The following SUV39H2 variants were observed in gnomAD, a reference collection of about 807,000 sequenced individuals.
SUV39H2 encodes the protein SUV39H2 histone lysine methyltransferase, also known as histone-lysine N-methyltransferase SUV39H2.
A neutral mutation model predicts 47.5 loss-of-function variants in SUV39H2; 10 were observed. The observed-to-expected ratio is 0.21, with a 90% CI of 0.13 to 0.36. The LOEUF is 0.36. Among genes scored for constraint, SUV39H2 ranks in the 10% least tolerant of loss-of-function variants. The pLI is 1.00. For synonymous variants in SUV39H2, 159 were observed against 166.8 expected (o/e 0.95, Z 0.36); for missense variants, 266 against 487.4 (o/e 0.55, Z 4.28).
At chr10:14,885,375 C>T (rs1047968225) in intron 2 of SUV39H2, among the ~76,000 whole-genome samples, 1 of 152,148 alleles carries the variant, frequency 6.6e-6, no homozygotes, top group Non-Finnish European at 1.5e-5. Context: ...TTTAATTCTT[C>T]GTTTCTTTTT....
chr10:14,900,725 A>T (rs1453855954), intron 4 of SUV39H2, among the ~76,000 whole-genome samples: 1 of 152,180 alleles, frequency 6.6e-6, no homozygotes, highest in Non-Finnish European at 1.5e-5. Context: ...TCTGTAGTGC[A>T]GATTTGATTT....
intron 2 of SUV39H2, among the ~76,000 whole-genome samples, chr10:14,891,016 G>A (rs1214201544): frequency 2.6e-5 from 4 of 152,120 alleles, no homozygotes; most frequent in Non-Finnish European, 5.9e-5. Context: ...TCATTTGGGG[G>A]CTATAAAAAA....
chr10:14,885,770 T>C (rs1250697074), intron 2 of SUV39H2, among the ~76,000 whole-genome samples: 1 of 152,214 alleles, frequency 6.6e-6, no homozygotes, highest in Non-Finnish European at 1.5e-5. Context: ...TTCTCTTTCT[T>C]TTACAAATTC....
chr10:14,899,130 G>A, intron 3 of SUV39H2: 1 of 674,436 alleles, frequency 1.5e-6, no homozygotes, highest in Non-Finnish European at 2.7e-6. Context: ...GACCAGTGTG[G>A]GCAACATAGT....
Position 14,897,061 on chromosome 10 carries a change from TAAACAAAGGA to T in SUV39H2, c.394_403del (p.Lys132Ter). On this transcript the variant is annotated frameshift_variant, in exon 3 of 6. Transcript: ENST00000354919. LOFTEE classifies it high-confidence loss of function. ...TTGCTGAGTACATTGTGAAGAAGGC[TAAACAAAGGA>T]TAGCTCTGCAGAGATGGCAAGATGA... The T allele has an allele frequency of 6.2e-7, 1 of 1,614,032 alleles. No individual in the cohort carries two copies. The highest frequency in any genetic ancestry group is 8.5e-7 in the Non-Finnish European group (1 of 1,180,018).
chr10:14,902,374 T>C, intron 5 of SUV39H2, 32 bp from the exon 6 acceptor site: 1 of 1,441,588 alleles, frequency 6.9e-7, no homozygotes, highest in Non-Finnish European at 9.5e-7. Context: ...CTTAACTCTC[T>C]TTCTCCTATA....
intron 2 of SUV39H2, among the ~76,000 whole-genome samples, chr10:14,894,543 A>AT (rs1460889464): frequency 9.1e-6 from 1 of 110,202 alleles, no homozygotes; most frequent in Non-Finnish European, 1.7e-5. Flanking sequence ...AATTTTTTGT[A>AT]TTTTTAGTAG....
intron 1 of SUV39H2, chr10:14,879,832 G>C (rs1186026073): frequency 6.6e-6 from 1 of 152,000 alleles, no homozygotes; most frequent in Admixed American, 6.6e-5. Context: ...ATTTAATTTT[G>C]TCAGTGAAAT....
chr10:14,878,950 C>T, intron 1 of SUV39H2, 31 bp downstream of exon 1: 1 of 1,441,882 alleles, frequency 6.9e-7, no homozygotes, highest in Non-Finnish European at 9.1e-7. Context: ...CCTCGCCTTC[C>T]CTGTTCCCAG....
intron 2 of SUV39H2, among the ~76,000 whole-genome samples, chr10:14,887,699 G>T (rs534125586): frequency 3.3e-4 from 50 of 152,316 alleles, no homozygotes; most frequent in African/African-American, 1.2e-3. Flanking sequence ...GGGAATCTGA[G>T]CAATGACTGA....
intron 1 of SUV39H2, chr10:14,879,135 C>A (rs1350588331): frequency 4.8e-6 from 6 of 1,241,524 alleles, no homozygotes. Flanking sequence ...GAGGTGGGCA[C>A]TGTCCGAGCC....
rs540228733 is a variant in SUV39H2, at chr10:14,894,417, G to A, written c.178-2429G>A. ...GAGTCTCGCTCTGTCGCCCAGGCTGGAGTGCAGTGGCGCGATCTCGACTCA... is the reference window on the plus strand; with the variant it reads ...GAGTCTCGCTCTGTCGCCCAGGCTGAAGTGCAGTGGCGCGATCTCGACTCA... On this transcript the variant is annotated intron_variant, in intron 2 of 5. Transcript: ENST00000354919. 5.7e-5 allele frequency among the ~76,000 whole-genome samples: 6 copies of A among 106,124 alleles called. 1 individual carries two copies. The South Asian group carries it at 2.1e-3, about 36-fold the overall frequency. 69.6% of individuals were successfully genotyped at this position (106,124 alleles called of 152,430 possible).
chr10:14,894,165 A>G (rs1424434658), intron 2 of SUV39H2, among the ~76,000 whole-genome samples: 1 of 152,032 alleles, frequency 6.6e-6, no homozygotes, highest in African/African-American at 2.4e-5. Flanking sequence ...GAAAGGAGGA[A>G]GAAATCCTTA....
intron 1 of SUV39H2, among the ~76,000 whole-genome samples, chr10:14,881,111 A>G (rs1833029147): frequency 6.6e-6 from 1 of 152,226 alleles, no homozygotes; most frequent in South Asian, 2.1e-4. Flanking sequence ...TAAGTGTCCT[A>G]GAGATTTACA....
At chr10:14,900,995 A>G (rs1407591103) in intron 4 of SUV39H2, 138 bp from the exon 5 acceptor site, 2 of 1,127,746 alleles carry the variant, frequency 1.8e-6, no homozygotes, top group Non-Finnish European at 2.5e-6. Context: ...GCATGCCTCA[A>G]AGACCTCTAA....
intron 3 of SUV39H2, 93 bp downstream of exon 3, chr10:14,897,610 C>T (rs898314234): frequency 9.5e-7 from 1 of 1,056,258 alleles, no homozygotes; most frequent in African/African-American, 1.6e-5. Flanking sequence ...ATACTTGGTA[C>T]ATTTTGATAT....
Position 14,881,419 on chromosome 10 carries a change from G to A in SUV39H2, c.32-81G>A. ...CTAAAATTGCCAGTTGAAAGATGGGGAATAGAGGTTTTAAGTTTCTCTTTT... is the reference window on the plus strand; with the variant it reads ...CTAAAATTGCCAGTTGAAAGATGGGAAATAGAGGTTTTAAGTTTCTCTTTT... On this transcript the variant is annotated intron_variant, in intron 1 of 5. Transcript: ENST00000354919. The A allele has an allele frequency of 4.2e-6, 5 of 1,198,870 alleles. 1 individual carries two copies. In the South Asian group the frequency reaches 1.3e-4, roughly 31 times the overall value. The allele number at this position is 1,198,870 out of a possible 1,614,324, so 74.3% of individuals were successfully genotyped here.
At chr10:14,894,223 C>CTTT (rs753387560) in intron 2 of SUV39H2, among the ~76,000 whole-genome samples, 1 of 132,854 alleles carries the variant, frequency 7.5e-6, no homozygotes, top group East Asian at 2.1e-4. Flanking sequence ...TACATCTAGG[C>CTTT]TTTTTTTTTT....
rs79770645 is a variant in SUV39H2 at position 14,891,305 on chromosome 10, T to C, written c.178-5541T>C. Among the ~76,000 whole-genome samples, 1,335 of 152,226 alleles carry C rather than the reference T, an allele frequency of 8.8e-3. 26 individuals are homozygous for C. The highest frequency in any genetic ancestry group is 0.03 in the African/African-American group (1,248 of 41,532). On this transcript the variant is annotated intron_variant, in intron 2 of 5. Transcript: ENST00000354919. The stretch of plus-strand genomic sequence containing the variant: ...AGTGTGTGTTGTGTGAATGGGGCCA[T>C]GATGGAAGATGGAGCCAGAGAGGCA...
Sources: gnomAD v4.1 joint callset for allele counts (sites outside exome capture counted in the v4.1 genomes callset) on GRCh38, gnomAD v4.1.1 for gene constraint, MANE v1.5 for transcripts, NCBI Gene and HGNC (gene_info 2026-07-23, HGNC 2026-07-21) for gene names.